USP20: variants seen among roughly 807,000 people sequenced by gnomAD.
USP20 encodes ubiquitin specific peptidase 20, also known as ubiquitin carboxyl-terminal hydrolase 20.
USP20 carries 80 observed loss-of-function variants against 124.2 expected under a neutral mutation model. The observed-to-expected ratio is 0.64, with a 90% confidence interval of 0.54 to 0.78. USP20 has a LOEUF of 0.78. Ranked by LOEUF, USP20 falls within the 30% of genes least tolerant of loss-of-function variation. The pLI, the probability that USP20 is intolerant of heterozygous loss-of-function variation, is 0.00. For synonymous variants in USP20, 481 were observed against 512.3 expected, an observed-to-expected ratio of 0.94 and a Z score of 0.83; for missense variants, 1,043 against 1,244.4, an observed-to-expected ratio of 0.84 and a Z score of 2.44.
At position 129,876,221 on chromosome 9, in the gene USP20, A is replaced by T. The variant is rs2034401682; in HGVS notation, c.2392A>T (p.Ile798Phe). ...EALAKRRRIE[I>F]DTFIKLNKAF... ...ACTGGCCAAGCGCAGGAGGATCGAG[A>T]TCGACACCTTCATCAAGGTGCGTGC... Residue 798 changes from isoleucine to phenylalanine, a missense_variant, in exon 22 of 26, where the codon ATC (isoleucine) becomes TTC (phenylalanine). Coordinates refer to ENST00000372429, the MANE Select transcript of USP20 (RefSeq NM_001110303.4). The T allele has an allele frequency of 1.2e-6, 2 of 1,612,666 alleles. No individual in the cohort carries two copies. Among genetic ancestry groups the T allele is most frequent in the Admixed American group, 1.7e-5 (1 of 59,978 alleles).
chr9:129,879,241 T>G lies in USP20; in HGVS notation c.2513-332T>G. The stretch of plus-strand genomic sequence containing the variant: ...GCTCTGTCTCTGTAAACCTCTGTCT[T>G]GTCCTGTGGTTGCCGAGGCTAAATG... On this transcript the variant is annotated intron_variant, in intron 23 of 25. Coordinates refer to ENST00000372429, the MANE Select transcript of USP20 (RefSeq NM_001110303.4). This position sits in a 1 kb window ranked among gnomAD's most constrained non-coding sequence, Gnocchi z 4.2. 3.1e-6 allele frequency: 1 copy of G among 323,510 alleles called. No individual in the cohort carries two copies. Among genetic ancestry groups the G allele is most frequent in the Non-Finnish European group, 5.7e-6 (1 of 174,254 alleles). The allele number at this position is 323,510 out of a possible 1,614,324, so 20.0% of individuals were successfully genotyped here.
chr9:129,855,288 G>A (rs931735989), intron 3 of USP20, among the ~76,000 whole-genome samples: 1 of 152,114 alleles, frequency 6.6e-6, no homozygotes, highest in African/African-American at 2.4e-5. Flanking sequence ...AAAATTAGCC[G>A]GGCGAGGTGG....
chr9:129,864,469 C>CAA lies in USP20; in HGVS notation c.612-811_612-810dup, dbSNP rs575582320. Among the ~76,000 whole-genome samples, 357 of 116,732 alleles carry CAA rather than the reference C, an allele frequency of 3.1e-3. 4 individuals carry two copies. Among genetic ancestry groups the CAA allele is most frequent in the African/African-American group, 9.5e-3 (267 of 28,098 alleles). 76.6% of individuals were successfully genotyped at this position (116,732 alleles called of 152,430 possible). A position where few individuals can be genotyped will look rare whatever the true frequency, so the allele number is the denominator to read the frequency against. The stretch of plus-strand genomic sequence containing the variant: ...TGGGCGACAGAGTGAGACCCTGTCT[C>CAA]AAAAAAAAAAAAAAAAAAAAAAAAG... On this transcript the variant is annotated intron_variant, in intron 9 of 25. Coordinates refer to ENST00000372429, the MANE Select transcript of USP20 (RefSeq NM_001110303.4).
intron 15 of USP20, among the ~76,000 whole-genome samples, chr9:129,870,811 T>C (rs1180891490): frequency 6.6e-6 from 1 of 152,254 alleles, no homozygotes; most frequent in African/African-American, 2.4e-5. Context: ...GCAAAAATGA[T>C]GTATGTTAAT....
chr9:129,840,977 G>A (rs1179139625), intron 1 of USP20, among the ~76,000 whole-genome samples: 1 of 152,026 alleles, frequency 6.6e-6, no homozygotes, highest in African/African-American at 2.4e-5. Flanking sequence ...CACCACGTTG[G>A]CCAGGTTTGT....
At chr9:129,869,100 C>A in intron 12 of USP20, 98 bp downstream of exon 12, 1 of 1,468,088 alleles carries the variant, frequency 6.8e-7, no homozygotes, top group South Asian at 1.3e-5. Flanking sequence ...GAGGGCCGGG[C>A]TATGGGCTCC....
chr9:129,868,373 C>T lies in USP20; in HGVS notation c.1059C>T (p.Ala353=), dbSNP rs772147682. 6.5e-6 allele frequency: 10 copies of T among 1,539,198 alleles called. No homozygotes were observed. In the African/African-American group the frequency reaches 1.3e-4, roughly 20 times the overall value. ...QVDEDADVDT[A]MAALDDQPAE... is the part of the protein sequence containing the mutation. The stretch of plus-strand genomic sequence containing the variant: ...ACGAGGACGCTGATGTGGACACTGC[C>T]ATGGCTGCCCTTGACGACCAGCCCG... Residue 353 remains alanine, a synonymous_variant, in exon 11 of 26, where the codon GCC becomes GCT. Transcript: ENST00000372429.
Position 129,880,091 on chromosome 9 carries a change from G to A in USP20, c.2585-22G>A, listed in dbSNP as rs554663905. ...CTTGAGGAGGCAAAGGTGAGCCTAG[G>A]GGTGCCTCTCGTGCCCTGCAGGAGC... On this transcript the variant is annotated intron_variant, in intron 24 of 25. Transcript: ENST00000372429. 9.9e-6 allele frequency: 16 copies of A among 1,610,772 alleles called. No individual in the cohort carries two copies. The South Asian group carries it at 1.2e-4, about 12-fold the overall frequency.
chr9:129,850,729 T>C (rs116214654), intron 2 of USP20, among the ~76,000 whole-genome samples: 24,405 of 151,984 alleles, frequency 0.16, 2,453 homozygotes, highest in African/African-American at 0.28. Flanking sequence ...GATGTTGGCT[T>C]GCCACAACTT....
chr9:129,865,402 A>G (rs1200331623), intron 10 of USP20, 21 bp downstream of exon 10: 3 of 1,613,658 alleles, frequency 1.9e-6, no homozygotes, highest in African/African-American at 1.3e-5. Flanking sequence ...TGAGCTGCCC[A>G]GGGGACACCC....
At chr9:129,864,439 C>T (rs918866437) in intron 9 of USP20, among the ~76,000 whole-genome samples, 7 of 138,348 alleles carry the variant, frequency 5.1e-5, no homozygotes, top group African/African-American at 1.7e-4. Flanking sequence ...CATTGCACTT[C>T]AGCCTGGGCG....
intron 1 of USP20, among the ~76,000 whole-genome samples, chr9:129,838,020 G>A (rs1228455625): frequency 6.6e-6 from 1 of 151,700 alleles, no homozygotes; most frequent in Non-Finnish European, 1.5e-5. Context: ...GAAACTTGGA[G>A]AAGCCATGCA....
At chr9:129,857,446 G>A (rs146445957) in intron 4 of USP20, among the ~76,000 whole-genome samples, 1 of 152,302 alleles carries the variant, frequency 6.6e-6, no homozygotes, top group East Asian at 1.9e-4. Context: ...TATGGCATTG[G>A]CTACTGGCTG....
At chr9:129,860,055 G>T (rs2033455586) in intron 6 of USP20, among the ~76,000 whole-genome samples, 1 of 151,550 alleles carries the variant, frequency 6.6e-6, no homozygotes, top group Admixed American at 6.6e-5. Context: ...CATAGCCCAG[G>T]CGCGGTGGCT....
At position 129,856,405 on chromosome 9, in the gene USP20, C is replaced by T. The variant is rs369517592; in HGVS notation, c.135+45C>T. ...ATCAGGGGTGTAGAGCTGCTTCCAC[C>T]TGTTATCAGCACTGCACAGGCTGGT... On this transcript the variant is annotated intron_variant, in intron 4 of 25. Coordinates refer to ENST00000372429, the MANE Select transcript of USP20 (RefSeq NM_001110303.4). 12 of 1,598,156 alleles carry T rather than the reference C, an allele frequency of 7.5e-6. No individual in the cohort carries two copies. In the African/African-American group the frequency reaches 1.6e-4, roughly 21 times the overall value.
At chr9:129,852,696 T>G in intron 3 of USP20, 60 bp downstream of exon 3, 20 of 1,488,912 alleles carry the variant, frequency 1.3e-5, no homozygotes, top group Non-Finnish European at 1.7e-5. Context: ...TTTCCTGGGG[T>G]GTGGACATTT....
In USP20 at chr9:129,874,700, C is replaced by T. The variant is rs61760211; in HGVS notation, c.1865C>T (p.Ser622Phe). The T allele has an allele frequency of 1.5e-3, 2,360 of 1,614,018 alleles. 3 individuals carry two copies. The highest frequency in any genetic ancestry group is 1.8e-3 in the Non-Finnish European group (2,166 of 1,180,034). The change falls in exon 18 of 26, where the codon TCC (serine) becomes TTC (phenylalanine). Residue 622 changes from serine to phenylalanine, a missense_variant. By Grantham distance (155) the Ser-to-Phe change is radical. Coordinates refer to ENST00000372429, the MANE Select transcript of USP20 (RefSeq NM_001110303.4). ...CCCTTCCTTGCCAAGGAGTGCACATCCCAGATCACCACCTACGACCTCCTC... is the reference window on the plus strand; with the variant it reads ...CCCTTCCTTGCCAAGGAGTGCACATTCCAGATCACCACCTACGACCTCCTC... ...LRPFLAKECT[S>F]QITTYDLLSV...
At chr9:129,854,478 G>T (rs1271181149) in intron 3 of USP20, among the ~76,000 whole-genome samples, 2 of 152,134 alleles carry the variant, frequency 1.3e-5, no homozygotes, top group Non-Finnish European at 2.9e-5. Context: ...AATATGTATT[G>T]CATGATCTTA....
In USP20 at chr9:129,873,643, C is replaced by T; in HGVS notation, c.1695-56C>T. 5.0e-6 allele frequency: 8 copies of T among 1,613,680 alleles called. No homozygotes were observed. In the South Asian group the frequency reaches 8.8e-5, roughly 18 times the overall value. On this transcript the variant is annotated intron_variant, in intron 16 of 25. Coordinates refer to ENST00000372429, the MANE Select transcript of USP20 (RefSeq NM_001110303.4). ...AAGGGAGCCGGGTGGAGGGCTGCTTCCCTGGCCCCTGGCCCTGATGCCGGA... is the reference window on the plus strand; with the variant it reads ...AAGGGAGCCGGGTGGAGGGCTGCTTTCCTGGCCCCTGGCCCTGATGCCGGA...
Sources: allele counts gnomAD v4.1 joint callset (sites outside exome capture counted in the v4.1 genomes callset), GRCh38; gene constraint gnomAD v4.1.1; non-coding constraint Gnocchi (gnomAD v3.1); transcripts MANE v1.5; gene names NCBI Gene and HGNC (gene_info 2026-07-23, HGNC 2026-07-21).